NDUFA10: variants seen among roughly 807,000 people sequenced by gnomAD.
The protein encoded by NDUFA10 is NADH:ubiquinone oxidoreductase subunit A10.
In NDUFA10, 40 loss-of-function variants were observed where a neutral mutation model predicts 47.8. The ratio of observed to expected loss-of-function variants is 0.84; its 90% CI spans 0.65 to 1.09. The LOEUF (loss-of-function observed/expected upper bound fraction) is 1.09. Among genes scored for constraint, NDUFA10 ranks in the 50% least tolerant of loss-of-function variants. The probability of loss-of-function intolerance (pLI) is 0.00; values close to 1 mark genes in which losing one functional copy is unlikely to be tolerated. For missense variants in NDUFA10, 413 were observed against 451.1 expected (o/e 0.92, Z 0.76); for synonymous variants, 183 against 172.2 (o/e 1.06, Z -0.49).
chr2:239,909,327 C>T (rs916145851), intron 4 of NDUFA10, among the ~76,000 whole-genome samples: 1 of 152,094 alleles, frequency 6.6e-6, no homozygotes, highest in Non-Finnish European at 1.5e-5. Flanking sequence ...TTAAAAAATC[C>T]CTAGGCCAGG....
intron 9 of NDUFA10, among the ~76,000 whole-genome samples, chr2:239,986,117 A>C (rs1695993051): frequency 6.6e-6 from 1 of 152,234 alleles, no homozygotes; most frequent in Non-Finnish European, 1.5e-5. Context: ...GAGAAATAAG[A>C]AATATCTTCC....
chr2:239,972,528 T>A (rs1223183305), intron 9 of NDUFA10, among the ~76,000 whole-genome samples: 1 of 152,192 alleles, frequency 6.6e-6, no homozygotes, highest in East Asian at 1.9e-4. Flanking sequence ...GCACTATAGA[T>A]ATTAAAGACA....
rs1298446886 is a variant in NDUFA10 at position 239,959,786 on chromosome 2, C to T, written c.*1332G>A. The T allele has an allele frequency of 1.3e-6, 1 of 784,150 alleles. No individual in the cohort carries two copies. The highest frequency in any genetic ancestry group is 1.5e-6 in the Non-Finnish European group (1 of 650,230). 48.6% of individuals were successfully genotyped at this position (784,150 alleles called of 1,614,324 possible). On this transcript the variant is annotated 3_prime_UTR_variant, in exon 10 of 10. Transcript: ENST00000252711. Reference sequence around the variant, plus strand: ...CAGGGAGGAAGGGAAGGGAGGAAAACAAGGACAGATGGAAGGAAGAAAGGA... The same window carrying T: ...CAGGGAGGAAGGGAAGGGAGGAAAATAAGGACAGATGGAAGGAAGAAAGGA...
At chr2:239,965,334 C>T (rs1695016437) in intron 9 of NDUFA10, among the ~76,000 whole-genome samples, 1 of 152,114 alleles carries the variant, frequency 6.6e-6, no homozygotes, top group Admixed American at 6.5e-5. Flanking sequence ...TGCAGCATCT[C>T]ACACCAGGAA....
rs1694757346 is a variant in NDUFA10 at position 239,959,464 on chromosome 2, A to G, written c.*1654T>C. The G allele has an allele frequency of 2.0e-6, 2 of 985,372 alleles. No homozygotes were observed. Among genetic ancestry groups the G allele is most frequent in the Admixed American group, 6.1e-5 (1 of 16,272 alleles). 61.0% of individuals were successfully genotyped at this position (985,372 alleles called of 1,614,324 possible). ...CACAATGGGTTTGTGAAGTGCTCAGAGCAAAAGACACTCTGTGACTGGCCC... is the reference window on the plus strand; with the variant it reads ...CACAATGGGTTTGTGAAGTGCTCAGGGCAAAAGACACTCTGTGACTGGCCC... On this transcript the variant is annotated 3_prime_UTR_variant, in exon 10 of 10. Transcript: ENST00000252711.
At chr2:240,010,288 C>A (rs985742354) in intron 6 of NDUFA10, among the ~76,000 whole-genome samples, 2 of 152,068 alleles carry the variant, frequency 1.3e-5, no homozygotes, top group African/African-American at 4.8e-5. Context: ...CACAGCAAGA[C>A]CAAGTGGTAA....
chr2:239,938,870 CAT>C (rs1191058516), intron 4 of NDUFA10, among the ~76,000 whole-genome samples: 4 of 152,094 alleles, frequency 2.6e-5, no homozygotes, highest in African/African-American at 4.8e-5. Flanking sequence ...CTGAGCAACA[CAT>C]ACCCAGCACA....
At chr2:239,916,245 CAG>C (rs1477603535) in intron 4 of NDUFA10, among the ~76,000 whole-genome samples, 6 of 141,472 alleles carry the variant, frequency 4.2e-5, no homozygotes, top group Admixed American at 6.8e-5. Context: ...GACAGACACA[CAG>C]AGATACACAC....
rs1225749197 is a variant in NDUFA10 at position 239,987,297 on chromosome 2, C to T, written c.999+2777G>A. On this transcript the variant is annotated intron_variant, in intron 9 of 9. Transcript: ENST00000252711. The surrounding 1 kb of genome is among the most constrained non-coding windows in gnomAD (Gnocchi z 4.8). ...TGTTTGTGAGAATTACACATTCAAGCCACGATTCTCAAACCAGGCGCTGTG... is the reference window on the plus strand; with the variant it reads ...TGTTTGTGAGAATTACACATTCAAGTCACGATTCTCAAACCAGGCGCTGTG... 1.3e-5 allele frequency among the ~76,000 whole-genome samples: 2 copies of T among 152,004 alleles called. No individual in the cohort carries two copies. The highest frequency in any genetic ancestry group is 3.9e-4 in the East Asian group (2 of 5,182).
intron 4 of NDUFA10, among the ~76,000 whole-genome samples, chr2:239,910,800 C>T (rs908801929): frequency 1.8e-4 from 28 of 152,210 alleles, no homozygotes; most frequent in Non-Finnish European, 3.7e-4. Flanking sequence ...TGATATCAGC[C>T]TTTTCCAAAA....
chr2:239,963,280 G>C (rs988374213), intron 9 of NDUFA10, among the ~76,000 whole-genome samples: 1 of 152,238 alleles, frequency 6.6e-6, no homozygotes, highest in Non-Finnish European at 1.5e-5. Flanking sequence ...TCCCAGGAGG[G>C]GGCGCAGGCA....
intron 9 of NDUFA10, among the ~76,000 whole-genome samples, chr2:239,978,644 G>C (rs1439805431): frequency 6.6e-6 from 1 of 152,228 alleles, no homozygotes; most frequent in African/African-American, 2.4e-5. Context: ...TGAGTCAGTG[G>C]TCTGTTTCCC....
chr2:239,990,986 C>CA (rs1181372595), intron 8 of NDUFA10, among the ~76,000 whole-genome samples: 1 of 152,090 alleles, frequency 6.6e-6, no homozygotes, highest in Non-Finnish European at 1.5e-5. Flanking sequence ...GTCACATTCC[C>CA]ATTACTGAGT....
In NDUFA10 at chr2:240,011,694, T is replaced by C. The variant is rs780349435; in HGVS notation, c.672A>G (p.Pro224=). ...AGGCAGAGGTGATCTTCATTTCATG[T>C]GGCTAAACAGAAGCAGAAAAATCAA... ...VQRRIQKKGD[P]HEMKITSAYL... Residue 224 remains proline (P), a splice_region_variant and synonymous_variant, in exon 6 of 10, where the codon CCA becomes CCG. Coordinates refer to ENST00000252711, the MANE Select transcript of NDUFA10 (RefSeq NM_004544.4). 1 of 1,611,694 alleles carries C rather than the reference T, an allele frequency of 6.2e-7. No homozygotes were observed. The highest frequency in any genetic ancestry group is 8.5e-7 in the Non-Finnish European group (1 of 1,177,710).
rs1694105427 is a variant in NDUFA10, at chr2:239,928,606, A to G, written c.295-33292T>C. 6.6e-6 allele frequency among the ~76,000 whole-genome samples: 1 copy of G among 152,028 alleles called. No homozygotes were observed. The highest frequency in any genetic ancestry group is 2.1e-4 in the South Asian group (1 of 4,808). ...TCGTTTCCAACTATGCTCTCCCCACAGGTGACCTCATCCAGGGCCCTGGGG... is the reference window on the plus strand; with the variant it reads ...TCGTTTCCAACTATGCTCTCCCCACGGGTGACCTCATCCAGGGCCCTGGGG... On this transcript the variant is annotated intron_variant, in intron 4 of 5. Coordinates refer to the NDUFA10 transcript ENST00000419408. This position sits in a 1 kb window ranked among gnomAD's most constrained non-coding sequence, Gnocchi z 4.3.
chr2:239,921,720 G>A (rs73101737), intron 4 of NDUFA10, among the ~76,000 whole-genome samples: 13,568 of 152,178 alleles, frequency 0.089, 659 homozygotes, highest in Admixed American at 0.13. Flanking sequence ...AGGAGACCCG[G>A]GATGAGGCCG....
chr2:239,956,762 G>A (rs371717271), downstream of NDUFA10, among the ~76,000 whole-genome samples: 11 of 152,290 alleles, frequency 7.2e-5, no homozygotes, highest in East Asian at 1.7e-3. Flanking sequence ...GAGGAGTGGC[G>A]TCACGGCGGA....
intron 1 of NDUFA10, among the ~76,000 whole-genome samples, chr2:240,024,151 T>G (rs1697756955): frequency 6.6e-6 from 1 of 152,208 alleles, no homozygotes; most frequent in African/African-American, 2.4e-5. Flanking sequence ...AAAATGTATT[T>G]CCAAAAAGAA....
intron 4 of NDUFA10, among the ~76,000 whole-genome samples, chr2:239,926,540 T>C (rs1694068548): frequency 6.6e-6 from 1 of 152,196 alleles, no homozygotes; most frequent in South Asian, 2.1e-4. Flanking sequence ...TGAAAATAAC[T>C]GACGATATTT....
Sources: gnomAD v4.1 joint callset for allele counts (sites outside exome capture counted in the v4.1 genomes callset) on GRCh38, gnomAD v4.1.1 for gene constraint, Gnocchi (gnomAD v3.1) non-coding constraint, MANE v1.5 for transcripts, NCBI Gene and HGNC (gene_info 2026-07-23, HGNC 2026-07-21) for gene names.